The following UNC5C variants were observed in gnomAD, a reference collection of about 807,000 sequenced individuals.
UNC5C encodes unc-5 netrin receptor C.
Under a neutral mutation model 99.8 loss-of-function variants are expected in UNC5C, and 47 were observed. The ratio of observed to expected loss-of-function variants is 0.47; its 90% CI spans 0.37 to 0.60. The LOEUF (loss-of-function observed/expected upper bound fraction) is 0.60, where lower values mean the gene tolerates loss of function less well. Ranked by LOEUF, UNC5C falls within the 20% of genes least tolerant of loss-of-function variation. The pLI is 0.00. For missense variants in UNC5C, 1,062 were observed against 1,165.9 expected (o/e 0.91, Z 1.30); for synonymous variants, 487 against 452.2 (o/e 1.08, Z -0.98).
chr4:95,414,525 A>G (rs1746102547), intron 1 of UNC5C, among the ~76,000 whole-genome samples: 1 of 152,222 alleles, frequency 6.6e-6, no homozygotes, highest in Admixed American at 6.5e-5. Context: ...GAGTATAAAG[A>G]AAATACCTAG....
chr4:95,338,581 T>C (rs1743435543), intron 1 of UNC5C, among the ~76,000 whole-genome samples: 2 of 152,038 alleles, frequency 1.3e-5, no homozygotes, highest in South Asian at 4.1e-4. Flanking sequence ...TATAAGACTA[T>C]TACCAATTTT....
At chr4:95,314,148 T>A (rs567630286) in intron 2 of UNC5C, among the ~76,000 whole-genome samples, 2 of 152,194 alleles carry the variant, frequency 1.3e-5, no homozygotes, top group Non-Finnish European at 2.9e-5. Flanking sequence ...AGAGCACCAC[T>A]AATTGAAAAC....
intron 1 of UNC5C, among the ~76,000 whole-genome samples, chr4:95,401,920 A>C (rs911450769): frequency 3.3e-5 from 5 of 152,216 alleles, no homozygotes; most frequent in Non-Finnish European, 5.9e-5. Flanking sequence ...GGAATGTGGA[A>C]TGTGTCAAGG....
chr4:95,479,950 C>G (rs1721085284), intron 1 of UNC5C, among the ~76,000 whole-genome samples: 1 of 148,686 alleles, frequency 6.7e-6, no homozygotes, highest in Non-Finnish European at 1.5e-5. Context: ...GGCTGAGTAA[C>G]AGAAAATTCT....
intron 14 of UNC5C, among the ~76,000 whole-genome samples, chr4:95,171,304 A>G (rs1186425181): frequency 1.3e-5 from 2 of 151,548 alleles, no homozygotes; most frequent in East Asian, 3.9e-4. Flanking sequence ...ACATATGTAT[A>G]CACGTGCCAT....
intron 11 of UNC5C, among the ~76,000 whole-genome samples, chr4:95,206,070 A>T (rs551672776): frequency 6.6e-4 from 99 of 150,342 alleles, no homozygotes; most frequent in African/African-American, 2.4e-3. Context: ...GTGCGATCTC[A>T]GCTCACTGCA....
chr4:95,449,455 G>A (rs962981993), intron 1 of UNC5C, among the ~76,000 whole-genome samples: 8 of 152,140 alleles, frequency 5.3e-5, no homozygotes, highest in African/African-American at 1.7e-4. Context: ...TTCCTGTAAG[G>A]TGTATGGTGG....
At chr4:95,231,252 A>G (rs942845156) in intron 7 of UNC5C, among the ~76,000 whole-genome samples, 6 of 152,140 alleles carry the variant, frequency 3.9e-5, no homozygotes, top group Non-Finnish European at 1.5e-5. Context: ...TTTACTCATT[A>G]CATTTCAATA....
chr4:95,229,205 T>C (rs1016241310), intron 7 of UNC5C, among the ~76,000 whole-genome samples: 4 of 152,188 alleles, frequency 2.6e-5, no homozygotes, highest in African/African-American at 9.7e-5. Context: ...GGTATACACA[T>C]GCCATGGTGG....
At chr4:95,476,922 C>T (rs955574419) in intron 1 of UNC5C, among the ~76,000 whole-genome samples, 2 of 152,038 alleles carry the variant, frequency 1.3e-5, no homozygotes, top group African/African-American at 4.8e-5. Flanking sequence ...TTTTCCACAA[C>T]CTTGTATGGG....
chr4:95,420,183 A>G (rs1199637221), intron 1 of UNC5C, among the ~76,000 whole-genome samples: 2 of 152,302 alleles, frequency 1.3e-5, no homozygotes, highest in South Asian at 2.1e-4. Flanking sequence ...ATTGGAAAAT[A>G]TTATCCACCT....
chr4:95,185,015 T>G, intron 13 of UNC5C, 32 bp downstream of exon 13: 5 of 1,595,262 alleles, frequency 3.1e-6, no homozygotes, highest in Non-Finnish European at 4.3e-6. Flanking sequence ...TAGAGATGTC[T>G]CCAGACCTTT....
At chr4:95,463,872 T>C (rs1335356387) in intron 1 of UNC5C, among the ~76,000 whole-genome samples, 1 of 152,210 alleles carries the variant, frequency 6.6e-6, no homozygotes, top group Admixed American at 6.5e-5. Flanking sequence ...AAAAGATATG[T>C]GAACACAAAG....
rs764936114 is a variant in UNC5C at position 95,335,501 on chromosome 4, T to A, written c.255A>T (p.Ala85=). 6.2e-7 allele frequency: 1 copy of A among 1,612,506 alleles called. No homozygotes were observed. Among genetic ancestry groups the A allele is most frequent in the East Asian group, 2.2e-5 (1 of 44,794 alleles). The change falls in exon 2 of 16, where the codon GCA becomes GCT. Residue 85 remains alanine, a synonymous_variant. Transcript: ENST00000453304. ...TGAAATAGATCTGGGTGGCAGGGCT[T>A]GCTTTACAGTACAGGTTCACGGGCT... is the stretch of plus-strand genomic sequence containing the variant. The part of the protein sequence containing the change: ...KNKPVNLYCK[A]SPATQIYFKC...
chr4:95,447,248 T>C (rs544673362), intron 1 of UNC5C, among the ~76,000 whole-genome samples: 1 of 152,320 alleles, frequency 6.6e-6, no homozygotes, highest in Admixed American at 6.5e-5. Context: ...AATGAATATC[T>C]GAATTAAACT....
At chr4:95,228,792 G>A (rs1738789572) in intron 7 of UNC5C, among the ~76,000 whole-genome samples, 1 of 152,140 alleles carries the variant, frequency 6.6e-6, no homozygotes, top group African/African-American at 2.4e-5. Flanking sequence ...CTCTCCATTT[G>A]AAATATTATC....
chr4:95,219,353 A>G (rs1241922858), intron 8 of UNC5C, 40 bp from the exon 9 acceptor site: 6 of 1,577,956 alleles, frequency 3.8e-6, no homozygotes, highest in Non-Finnish European at 5.2e-6. Flanking sequence ...GGCATTCTCC[A>G]TTCAGGCCAA....
intron 1 of UNC5C, among the ~76,000 whole-genome samples, chr4:95,350,968 A>G (rs1456798221): frequency 6.6e-6 from 1 of 152,016 alleles, no homozygotes; most frequent in Non-Finnish European, 1.5e-5. Context: ...AGGCCTTAAA[A>G]TCAGAGCTGA....
At chr4:95,234,511 A>G (rs1425384553) in intron 7 of UNC5C, among the ~76,000 whole-genome samples, 5 of 152,044 alleles carry the variant, frequency 3.3e-5, no homozygotes, top group Non-Finnish European at 2.9e-5. Context: ...TTCTTATTCA[A>G]TGCAATCCAT....
Sources: allele counts gnomAD v4.1 joint callset (sites outside exome capture counted in the v4.1 genomes callset), GRCh38; gene constraint gnomAD v4.1.1; transcripts MANE v1.5; gene names NCBI Gene and HGNC (gene_info 2026-07-23, HGNC 2026-07-21).